The following CXCL13 variants were observed in gnomAD, a reference collection of about 807,000 sequenced individuals.
The protein encoded by CXCL13 is C-X-C motif chemokine 13.
Under a neutral mutation model 12.2 loss-of-function variants are expected in CXCL13, and 7 were observed. That is an observed-to-expected ratio of 0.57 (90% CI 0.33 to 1.07). The LOEUF (loss-of-function observed/expected upper bound fraction) is 1.07, where lower values mean the gene tolerates loss of function less well. Among genes scored for constraint, CXCL13 ranks in the 50% least tolerant of loss-of-function variants. The pLI is 0.04. For missense variants in CXCL13, 113 were observed against 127.4 expected, an observed-to-expected ratio of 0.89 and a Z score of 0.55; for synonymous variants, 47 against 42.4, an observed-to-expected ratio of 1.11 and a Z score of -0.42.
At chr4:77,581,784 T>G (rs545268456) in intron 1 of CXCL13, among the ~76,000 whole-genome samples, 4 of 152,302 alleles carry the variant, frequency 2.6e-5, no homozygotes, top group African/African-American at 9.6e-5. Flanking sequence ...TCATAAAAAT[T>G]GTCAGCCAAT....
At chr4:77,576,939 G>C (rs1484645409) in intron 1 of CXCL13, among the ~76,000 whole-genome samples, 1 of 152,080 alleles carries the variant, frequency 6.6e-6, no homozygotes, top group Non-Finnish European at 1.5e-5. Flanking sequence ...TTAAATTCCA[G>C]ACTCATTAGT....
At chr4:77,606,171 A>G (rs1727000131) in intron 1 of CXCL13, among the ~76,000 whole-genome samples, 2 of 152,188 alleles carry the variant, frequency 1.3e-5, no homozygotes, top group South Asian at 4.1e-4. Context: ...TATTCATGTG[A>G]ATTATATATT....
rs745829313 is a variant in CXCL13 at position 77,610,972 on chromosome 4, T to C, written c.279-16T>C. 5.6e-6 allele frequency: 9 copies of C among 1,607,126 alleles called. No individual in the cohort carries two copies. The highest frequency in any genetic ancestry group is 4.5e-5 in the East Asian group (2 of 44,864). ...TCTCTAAACATGACAATTTTGTTTT[T>C]GTTTCTGCTTCACAGAAGAAGTTCT... On this transcript the variant is annotated splice_polypyrimidine_tract_variant and intron_variant, in intron 3 of 3. Coordinates refer to ENST00000682537, the MANE Select transcript of CXCL13 (RefSeq NM_001371558.1).
chr4:77,583,089 T>A lies in CXCL13; in HGVS notation c.-42-22735T>A, dbSNP rs185053518. Among the ~76,000 whole-genome samples, 8 of 152,318 alleles carry A rather than the reference T, an allele frequency of 5.3e-5. No homozygotes were observed. The East Asian group carries it at 1.4e-3, about 26-fold the overall frequency. Reference sequence around the variant, plus strand: ...CTAGACAAACTGAATAATCTAACTGTGACATGTGCCCTCCTCAGCTCTTCC... The same window carrying A: ...CTAGACAAACTGAATAATCTAACTGAGACATGTGCCCTCCTCAGCTCTTCC... On this transcript the variant is annotated intron_variant, in intron 1 of 4. Transcript: ENST00000286758.
intron 1 of CXCL13, among the ~76,000 whole-genome samples, chr4:77,516,058 G>C (rs1217237226): frequency 1.3e-5 from 2 of 152,156 alleles, no homozygotes; most frequent in Admixed American, 6.5e-5. Context: ...TGCATCTATT[G>C]AGATAATCAT....
intron 1 of CXCL13, among the ~76,000 whole-genome samples, chr4:77,583,694 AC>A (rs977104408): frequency 1.1e-4 from 16 of 152,206 alleles, no homozygotes; most frequent in African/African-American, 3.6e-4. Flanking sequence ...GAAACAGCAC[AC>A]AAATTCTTAT....
chr4:77,564,166 A>C (rs1725874208), intron 1 of CXCL13, among the ~76,000 whole-genome samples: 1 of 152,234 alleles, frequency 6.6e-6, no homozygotes, highest in African/African-American at 2.4e-5. Context: ...CAAGCAAGAG[A>C]AGTCAGGTTA....
At chr4:77,591,277 C>T (rs967947719) in intron 1 of CXCL13, among the ~76,000 whole-genome samples, 1 of 151,988 alleles carries the variant, frequency 6.6e-6, no homozygotes, top group Non-Finnish European at 1.5e-5. Context: ...CTCAGCCGGG[C>T]GCAGTGGCTC....
rs989609814 is a variant in CXCL13, at chr4:77,533,632, G to A, written c.-43+21844G>A. ...GTTTGGCTGTGCCCTGCCCCCAGAG[G>A]TGGAGTCTATAGCGGTAGGCAGGCC... On this transcript the variant is annotated intron_variant, in intron 1 of 4. Transcript: ENST00000286758. Among the ~76,000 whole-genome samples, 6 of 152,314 alleles carry A rather than the reference G, an allele frequency of 3.9e-5. 1 individual carries two copies. The South Asian group carries it at 1.2e-3, about 32-fold the overall frequency.
At chr4:77,545,660 G>A (rs753483385) in intron 1 of CXCL13, among the ~76,000 whole-genome samples, 2 of 152,060 alleles carry the variant, frequency 1.3e-5, no homozygotes, top group Admixed American at 6.6e-5. Context: ...GAGATGACGG[G>A]GTTTTCTAAA....
At chr4:77,586,512 T>C (rs1726463928) in intron 1 of CXCL13, among the ~76,000 whole-genome samples, 1 of 152,138 alleles carries the variant, frequency 6.6e-6, no homozygotes, top group African/African-American at 2.4e-5. Context: ...ACAGGCAGTA[T>C]GCATCGATGA....
chr4:77,517,231 G>A (rs1330265038), intron 1 of CXCL13, among the ~76,000 whole-genome samples: 1 of 152,130 alleles, frequency 6.6e-6, no homozygotes, highest in Admixed American at 6.5e-5. Flanking sequence ...TTCCAACTAT[G>A]TGGTCAATTT....
At chr4:77,561,405 C>T (rs1725808638) in intron 1 of CXCL13, among the ~76,000 whole-genome samples, 1 of 152,170 alleles carries the variant, frequency 6.6e-6, no homozygotes, top group African/African-American at 2.4e-5. Context: ...TCCATTAGTG[C>T]CTACCATGGG....
chr4:77,587,337 A>G (rs567991836), intron 1 of CXCL13, among the ~76,000 whole-genome samples: 13 of 152,328 alleles, frequency 8.5e-5, no homozygotes, highest in Admixed American at 4.6e-4. Context: ...GATATGACGA[A>G]CTTTCACTGG....
At chr4:77,541,141 A>G (rs1427078685) in intron 1 of CXCL13, among the ~76,000 whole-genome samples, 2 of 152,056 alleles carry the variant, frequency 1.3e-5, no homozygotes, top group African/African-American at 4.8e-5. Flanking sequence ...TTCCTTATAG[A>G]TTCTGTATAT....
intron 1 of CXCL13, among the ~76,000 whole-genome samples, chr4:77,583,317 C>G (rs1169890341): frequency 2.0e-5 from 3 of 152,186 alleles, no homozygotes; most frequent in African/African-American, 4.8e-5. Flanking sequence ...GGTAGGGATG[C>G]AAAATCCCTG....
chr4:77,544,259 C>T (rs1409645355), intron 1 of CXCL13, among the ~76,000 whole-genome samples: 1 of 152,108 alleles, frequency 6.6e-6, no homozygotes, highest in Non-Finnish European at 1.5e-5. Context: ...TGGGCATATA[C>T]CAAGTAATGG....
chr4:77,607,588 A>G (rs1355204770), intron 1 of CXCL13, 115 bp from the exon 2 acceptor site: 11 of 915,002 alleles, frequency 1.2e-5, no homozygotes, highest in Non-Finnish European at 1.5e-5. Context: ...GGGTGGAAGC[A>G]CTGACTTGAA....
At chr4:77,586,603 G>A (rs1189628049) in intron 1 of CXCL13, among the ~76,000 whole-genome samples, 1 of 152,190 alleles carries the variant, frequency 6.6e-6, no homozygotes, top group Non-Finnish European at 1.5e-5. Flanking sequence ...TCCATAACAT[G>A]CTGTGCTAGG....
Sources: allele counts gnomAD v4.1 joint callset (sites outside exome capture counted in the v4.1 genomes callset), GRCh38; gene constraint gnomAD v4.1.1; transcripts MANE v1.5; gene names NCBI Gene and HGNC (gene_info 2026-07-23, HGNC 2026-07-21).